The following MYT1L variants were observed in gnomAD, a reference collection of about 807,000 sequenced individuals.
The protein encoded by MYT1L is myelin transcription factor 1-like protein.
A neutral mutation model predicts 126.7 loss-of-function variants in MYT1L; 12 were observed. That is an observed-to-expected ratio of 0.09 (90% CI 0.06 to 0.15). The LOEUF (loss-of-function observed/expected upper bound fraction) is 0.15, where lower values mean the gene tolerates loss of function less well. Ranked by LOEUF, MYT1L falls within the 10% of genes least tolerant of loss-of-function variation. MYT1L has a pLI of 1.00. For synonymous variants in MYT1L, 541 were observed against 604.2 expected, an observed-to-expected ratio of 0.90 and a Z score of 1.53; for missense variants, 979 against 1,585.2, an observed-to-expected ratio of 0.62 and a Z score of 6.49.
At chr2:1,880,687 G>A (rs570282537) in intron 18 of MYT1L, among the ~76,000 whole-genome samples, 12 of 152,278 alleles carry the variant, frequency 7.9e-5, no homozygotes, top group Non-Finnish European at 1.3e-4. Context: ...GTACTGTCCC[G>A]CTTCACAGGG....
chr2:1,905,915 TTCTTGTGTG>T (rs375270005), intron 13 of MYT1L, among the ~76,000 whole-genome samples: 3 of 152,260 alleles, frequency 2.0e-5, no homozygotes, highest in African/African-American at 7.2e-5. Flanking sequence ...TCCACAAGTA[TTCTTGTGTG>T]TCTGAATAAA....
At chr2:2,062,979 C>G (rs1412105253) in intron 3 of MYT1L, among the ~76,000 whole-genome samples, 1 of 152,130 alleles carries the variant, frequency 6.6e-6, no homozygotes, top group Non-Finnish European at 1.5e-5. Flanking sequence ...TGATCTCTTT[C>G]TGGAACTTAC....
chr2:2,195,564 A>G (rs1364935292), intron 2 of MYT1L, among the ~76,000 whole-genome samples: 1 of 152,230 alleles, frequency 6.6e-6, no homozygotes, highest in East Asian at 1.9e-4. Context: ...GGAGTATGAC[A>G]TGATAGATTT....
At chr2:1,903,349 G>T (rs903229985) in intron 13 of MYT1L, 55 bp from the exon 14 acceptor site, 2 of 1,401,020 alleles carry the variant, frequency 1.4e-6, no homozygotes, top group East Asian at 2.4e-5. Context: ...CTTTGTACAC[G>T]ACGAGCTTCA....
Position 2,157,197 on chromosome 2 carries a change from GT to G in MYT1L, c.-304+15674del, listed in dbSNP as rs142332653. ...AATTGTAAGAATAATTACGTTTTAAGTTTTATCTCAGCCTGTAAAATATAAT... is the reference window on the plus strand; with the variant it reads ...AATTGTAAGAATAATTACGTTTTAAGTTTATCTCAGCCTGTAAAATATAAT... On this transcript the variant is annotated intron_variant, in intron 3 of 24. Coordinates refer to ENST00000647738, the MANE Select transcript of MYT1L (RefSeq NM_001303052.2). 5.0e-3 allele frequency among the ~76,000 whole-genome samples: 763 copies of G among 152,252 alleles called. 10 individuals carry two copies. The highest frequency in any genetic ancestry group is 0.018 in the African/African-American group (738 of 41,552).
intron 3 of MYT1L, among the ~76,000 whole-genome samples, chr2:2,079,846 A>G (rs2075633319): frequency 6.6e-6 from 1 of 152,082 alleles, no homozygotes; most frequent in Admixed American, 6.6e-5. Context: ...ATAAATCTTG[A>G]ATAAAAAAAA....
At chr2:1,857,629 C>T (rs1028662631) in intron 18 of MYT1L, among the ~76,000 whole-genome samples, 1 of 151,826 alleles carries the variant, frequency 6.6e-6, no homozygotes, top group Non-Finnish European at 1.5e-5. Context: ...TTTTCTTTAT[C>T]CCCCGAATTA....
chr2:2,235,065 A>C (rs1288688468), intron 2 of MYT1L, among the ~76,000 whole-genome samples: 1 of 151,910 alleles, frequency 6.6e-6, no homozygotes. Flanking sequence ...GTCATAACCC[A>C]CCAATTTCTC....
chr2:2,308,544 A>G (rs1457251249), intron 1 of MYT1L, among the ~76,000 whole-genome samples: 1 of 151,828 alleles, frequency 6.6e-6, no homozygotes, highest in Non-Finnish European at 1.5e-5. Flanking sequence ...TATTCTACCC[A>G]TACTCCACCT....
intron 4 of MYT1L, among the ~76,000 whole-genome samples, chr2:2,018,537 A>G (rs1429542715): frequency 2.0e-5 from 3 of 152,210 alleles, no homozygotes; most frequent in African/African-American, 4.8e-5. Context: ...AATCTTGAAG[A>G]CATTGGGTCA....
chr2:2,305,325 T>A (rs1208563028), intron 1 of MYT1L, among the ~76,000 whole-genome samples: 1 of 152,236 alleles, frequency 6.6e-6, no homozygotes, highest in African/African-American at 2.4e-5. Flanking sequence ...TATTCATTCC[T>A]ACAGTTGATG....
At chr2:2,242,473 C>G (rs1386711694) in intron 2 of MYT1L, among the ~76,000 whole-genome samples, 1 of 152,180 alleles carries the variant, frequency 6.6e-6, no homozygotes, top group Non-Finnish European at 1.5e-5. Flanking sequence ...TCTCCTTCAT[C>G]TTTTACTCAG....
intron 2 of MYT1L, among the ~76,000 whole-genome samples, chr2:2,280,577 G>A (rs2095433399): frequency 6.6e-6 from 1 of 152,182 alleles, no homozygotes; most frequent in African/African-American, 2.4e-5. Flanking sequence ...CTCTCCTGCT[G>A]AGAATGGGGA....
intron 4 of MYT1L, among the ~76,000 whole-genome samples, chr2:2,023,006 A>G (rs2065184999): frequency 6.6e-6 from 1 of 152,220 alleles, no homozygotes; most frequent in African/African-American, 2.4e-5. Context: ...CCATCTAGGA[A>G]AGAAAGCATC....
intron 11 of MYT1L, among the ~76,000 whole-genome samples, chr2:1,914,767 G>A (rs2052575725): frequency 6.6e-6 from 1 of 152,172 alleles, no homozygotes; most frequent in Non-Finnish European, 1.5e-5. Flanking sequence ...CCTCACGTGT[G>A]CTGCCCTCCA....
chr2:1,902,310 G>T (rs577941380), intron 14 of MYT1L, among the ~76,000 whole-genome samples: 58 of 152,324 alleles, frequency 3.8e-4, no homozygotes, highest in Non-Finnish European at 6.2e-4. Context: ...CACTGTGTTT[G>T]TTGCATGAGC....
chr2:1,956,576 C>CTTTCTATCTATCTATA (rs1307792741), intron 8 of MYT1L, among the ~76,000 whole-genome samples: 2 of 93,508 alleles, frequency 2.1e-5, no homozygotes, highest in South Asian at 3.5e-4. Flanking sequence ...ATTTCCTATT[C>CTTTCTATCTATCTATA]TATCTATCTA....
chr2:2,023,576 C>T (rs1978703), intron 4 of MYT1L, among the ~76,000 whole-genome samples: 107,095 of 151,766 alleles, frequency 0.71, 39,324 homozygotes, highest in African/African-American at 0.93. Flanking sequence ...CCCACAGAGG[C>T]AGAACTCGGA....
chr2:2,032,357 CG>C (rs1466460045), intron 4 of MYT1L, among the ~76,000 whole-genome samples: 2 of 99,156 alleles, frequency 2.0e-5, no homozygotes, highest in African/African-American at 4.6e-5. Context: ...TACACACACC[CG>C]TCGCCAGTGC....
Sources: allele counts gnomAD v4.1 joint callset (sites outside exome capture counted in the v4.1 genomes callset), GRCh38; gene constraint gnomAD v4.1.1; transcripts MANE v1.5; gene names NCBI Gene and HGNC (gene_info 2026-07-23, HGNC 2026-07-21).